The following PHF2 variants were observed in gnomAD, a reference collection of about 807,000 sequenced individuals.
The protein encoded by PHF2 is lysine-specific demethylase PHF2.
A neutral mutation model predicts 120.5 loss-of-function variants in PHF2; 27 were observed. The ratio of observed to expected loss-of-function variants is 0.22; its 90% CI spans 0.17 to 0.31. PHF2 has a LOEUF of 0.31. Ranked by LOEUF, PHF2 falls within the 10% of genes least tolerant of loss-of-function variation. The pLI is 1.00. For synonymous variants in PHF2, 568 were observed against 592.5 expected, an observed-to-expected ratio of 0.96 and a Z score of 0.60; for missense variants, 1,024 against 1,434.8, an observed-to-expected ratio of 0.71 and a Z score of 4.63.
chr9:93,671,401 GAT>G (rs1232126932), intron 17 of PHF2, among the ~76,000 whole-genome samples: 1 of 126,280 alleles, frequency 7.9e-6, no homozygotes, highest in African/African-American at 3.1e-5. Flanking sequence ...TGTAGATGCA[GAT>G]GTGGGTGTGG....
At chr9:93,652,873 A>G (rs1826392533) in intron 5 of PHF2, among the ~76,000 whole-genome samples, 1 of 151,958 alleles carries the variant, frequency 6.6e-6, no homozygotes, top group South Asian at 2.1e-4. Context: ...GTCTGGAAAG[A>G]CTCGCTTTCC....
chr9:93,605,344 A>G (rs1442665263), intron 1 of PHF2, among the ~76,000 whole-genome samples: 1 of 152,206 alleles, frequency 6.6e-6, no homozygotes, highest in African/African-American at 2.4e-5. Flanking sequence ...CAGTCTCCCA[A>G]AGTGCTGGGA....
intron 1 of PHF2, among the ~76,000 whole-genome samples, chr9:93,600,818 C>CT (rs1448060609): frequency 6.6e-6 from 1 of 152,224 alleles, no homozygotes; most frequent in Non-Finnish European, 1.5e-5. Context: ...CATTCAAAGT[C>CT]TAACCAGGCC....
chr9:93,622,520 G>A (rs1020829346), intron 1 of PHF2, among the ~76,000 whole-genome samples: 1 of 152,148 alleles, frequency 6.6e-6, no homozygotes, highest in African/African-American at 2.4e-5. Flanking sequence ...TCAGGGCAAC[G>A]TCTGTGAGAG....
chr9:93,610,895 T>C (rs7854758), intron 1 of PHF2, among the ~76,000 whole-genome samples: 6,783 of 152,232 alleles, frequency 0.045, 526 homozygotes, highest in African/African-American at 0.15. Flanking sequence ...GCAGTGATTG[T>C]TGAAGGATTG....
intron 1 of PHF2, among the ~76,000 whole-genome samples, chr9:93,595,632 A>C (rs956618464): frequency 6.6e-6 from 1 of 152,266 alleles, no homozygotes; most frequent in Non-Finnish European, 1.5e-5. Flanking sequence ...CTTTATACAC[A>C]GACCGAGATT....
At chr9:93,665,552 A>G in intron 14 of PHF2, 134 bp from the exon 15 acceptor site, 1 of 921,994 alleles carries the variant, frequency 1.1e-6, no homozygotes, top group Middle Eastern at 3.5e-4. Context: ...ATGGAAATTC[A>G]AATAGTGGCA....
chr9:93,598,127 C>G (rs1394833930), intron 1 of PHF2, among the ~76,000 whole-genome samples: 1 of 152,202 alleles, frequency 6.6e-6, no homozygotes, highest in East Asian at 1.9e-4. Context: ...TCCTCAGGCC[C>G]CTTGCGGGGA....
chr9:93,602,247 C>CTTT (rs67001312), intron 1 of PHF2, among the ~76,000 whole-genome samples: 2,824 of 79,590 alleles, frequency 0.035, 555 homozygotes, highest in African/African-American at 0.14. Context: ...CCTAGAGATT[C>CTTT]TTTTTTTTTT....
At chr9:93,649,747 CT>C (rs1826331109) in intron 5 of PHF2, among the ~76,000 whole-genome samples, 2 of 152,216 alleles carry the variant, frequency 1.3e-5, no homozygotes, top group Admixed American at 6.5e-5. Flanking sequence ...CACTCTGACC[CT>C]CACATTCGCT....
At chr9:93,590,811 C>T (rs1426522188) in intron 1 of PHF2, among the ~76,000 whole-genome samples, 1 of 152,248 alleles carries the variant, frequency 6.6e-6, no homozygotes, top group Non-Finnish European at 1.5e-5. Flanking sequence ...CCTCACGTCT[C>T]CTCAGCCCCT....
At position 93,660,194 on chromosome 9, in the gene PHF2, T is replaced by C. The variant is rs758040896; in HGVS notation, c.1332T>C (p.Asn444=). 4 of 1,548,566 alleles carry C rather than the reference T, an allele frequency of 2.6e-6. No individual in the cohort carries two copies. In the South Asian group the frequency reaches 5.0e-5, roughly 20 times the overall value. ...DLAKEIRLSE[N]ASKAVRPEVN... ...ACCCTCTCCTTTCTGTATCCCAGAATGCCTCCAAAGCCGTCCGACCGGAAG... is the reference window on the plus strand; with the variant it reads ...ACCCTCTCCTTTCTGTATCCCAGAACGCCTCCAAAGCCGTCCGACCGGAAG... The change falls in exon 12 of 22, where the codon AAT becomes AAC. Residue 444 remains asparagine (N), a splice_region_variant and synonymous_variant. Transcript: ENST00000359246.
At chr9:93,633,857 C>G (rs1173158475) in intron 2 of PHF2, among the ~76,000 whole-genome samples, 1 of 152,192 alleles carries the variant, frequency 6.6e-6, no homozygotes, top group African/African-American at 2.4e-5. Flanking sequence ...TGGCTCCCCT[C>G]CGTGGCACCC....
chr9:93,619,856 C>T (rs1324661148), intron 1 of PHF2, among the ~76,000 whole-genome samples: 1 of 152,004 alleles, frequency 6.6e-6, no homozygotes, highest in Non-Finnish European at 1.5e-5. Context: ...CTGTTTAATA[C>T]TAAGGTCCTG....
At chr9:93,609,218 T>G (rs538727039) in intron 1 of PHF2, among the ~76,000 whole-genome samples, 78 of 152,062 alleles carry the variant, frequency 5.1e-4, no homozygotes, top group Non-Finnish European at 7.6e-4. Context: ...CCTTGAAATA[T>G]TATTGTTATT....
intron 1 of PHF2, 109 bp downstream of exon 1, chr9:93,576,980 C>A: frequency 4.2e-6 from 1 of 235,772 alleles, no homozygotes; most frequent in Non-Finnish European, 6.8e-6. Flanking sequence ...GGGGACGGGC[C>A]GCCGCCGCCG....
chr9:93,577,869 A>G (rs1862861509), intron 1 of PHF2, among the ~76,000 whole-genome samples: 1 of 152,104 alleles, frequency 6.6e-6, no homozygotes, highest in Non-Finnish European at 1.5e-5. Flanking sequence ...AACTGCTCCA[A>G]CAGGTTCTCT....
intron 3 of PHF2, among the ~76,000 whole-genome samples, chr9:93,639,431 T>A (rs1278608818): frequency 6.6e-6 from 1 of 152,222 alleles, no homozygotes; most frequent in Non-Finnish European, 1.5e-5. Context: ...CTTGCAACCC[T>A]GCTGAACTAG....
chr9:93,637,853 T>G (rs1826118173), intron 3 of PHF2, among the ~76,000 whole-genome samples: 1 of 152,258 alleles, frequency 6.6e-6, no homozygotes, highest in South Asian at 2.1e-4. Flanking sequence ...TTTGAAGAAC[T>G]GTCAGACTGT....
Sources: allele counts gnomAD v4.1 joint callset (sites outside exome capture counted in the v4.1 genomes callset), GRCh38; gene constraint gnomAD v4.1.1; transcripts MANE v1.5; gene names NCBI Gene and HGNC (gene_info 2026-07-23, HGNC 2026-07-21).